The following B3GALNT2 variants were observed in gnomAD, a reference collection of about 807,000 sequenced individuals.
B3GALNT2 encodes the protein beta-1,3-N-acetylgalactosaminyltransferase 2.
A neutral mutation model predicts 61.1 loss-of-function variants in B3GALNT2; 53 were observed. The ratio of observed to expected loss-of-function variants is 0.87; its 90% CI spans 0.70 to 1.09. B3GALNT2 has a LOEUF of 1.09. B3GALNT2 is among the 50% of genes least tolerant of loss of function. The probability of loss-of-function intolerance (pLI) is 0.00; values close to 1 mark genes in which losing one functional copy is unlikely to be tolerated. For synonymous variants in B3GALNT2, 223 were observed against 237.4 expected, an observed-to-expected ratio of 0.94 and a Z score of 0.56; for missense variants, 544 against 623.0, an observed-to-expected ratio of 0.87 and a Z score of 1.35.
intron 8 of B3GALNT2, among the ~76,000 whole-genome samples, chr1:235,456,943 G>C (rs192872317): frequency 6.6e-6 from 1 of 151,890 alleles, no homozygotes; most frequent in East Asian, 1.9e-4. Context: ...CCTAGTATTC[G>C]ACACACCCAG....
Position 235,474,987 on chromosome 1 carries a change from A to ATT in B3GALNT2, c.652-4029_652-4028dup, listed in dbSNP as rs1160445883. ...TATATATATATATATATATATATAT[A>ATT]TTTTTTTTTTTTTTTTTTTTTTTGA... On this transcript the variant is annotated intron_variant, in intron 5 of 11. Transcript: ENST00000366600. Among the ~76,000 whole-genome samples the ATT allele has an allele frequency of 8.2e-3, 292 of 35,556 alleles. 26 individuals carry two copies. The highest frequency in any genetic ancestry group is 0.011 in the Non-Finnish European group (231 of 20,570). 23.3% of individuals were successfully genotyped at this position (35,556 alleles called of 152,430 possible).
At position 235,467,426 on chromosome 1, in the gene B3GALNT2, C is replaced by G. The variant is rs183127600; in HGVS notation, c.763-1712G>C. Among the ~76,000 whole-genome samples the G allele has an allele frequency of 1.9e-3, 282 of 151,480 alleles. 1 individual carries two copies. The highest frequency in any genetic ancestry group is 3.3e-3 in the Non-Finnish European group (225 of 67,894). Reference sequence around the variant, plus strand: ...TTACTAAAGGGGCAGGCTATAGATTCCAACGTTGTAGTTCCATAAAAGACT... The same window carrying G: ...TTACTAAAGGGGCAGGCTATAGATTGCAACGTTGTAGTTCCATAAAAGACT... On this transcript the variant is annotated intron_variant, in intron 6 of 11. Coordinates refer to ENST00000366600, the MANE Select transcript of B3GALNT2 (RefSeq NM_152490.5).
Position 235,448,781 on chromosome 1 carries a change from T to C in B3GALNT2, c.*1425A>G, listed in dbSNP as rs751491289. The C allele has an allele frequency of 7.2e-6, 11 of 1,529,160 alleles. No homozygotes were observed. The highest frequency in any genetic ancestry group is 1.0e-5 in the Non-Finnish European group (11 of 1,103,326). 94.7% of individuals were successfully genotyped at this position (1,529,160 alleles called of 1,614,324 possible). On this transcript the variant is annotated 3_prime_UTR_variant, in exon 12 of 12. Coordinates refer to ENST00000366600, the MANE Select transcript of B3GALNT2 (RefSeq NM_152490.5). ...ATGGTGACAACCAACTAATAAAATT[T>C]AAAGACCACACTGCTTATCGTGTCT...
chr1:235,456,612 T>C (rs1001571941), intron 8 of B3GALNT2, among the ~76,000 whole-genome samples: 10 of 152,230 alleles, frequency 6.6e-5, no homozygotes, highest in African/African-American at 1.2e-4. Context: ...AACTCATTTG[T>C]AGTGTGGAGA....
intron 1 of B3GALNT2, among the ~76,000 whole-genome samples, chr1:235,503,395 A>C (rs927087624): frequency 4.6e-5 from 7 of 152,256 alleles, no homozygotes; most frequent in African/African-American, 1.7e-4. Flanking sequence ...TAAGTAAAGC[A>C]TTCTATTAGG....
the B3GALNT2 span, chr1:235,441,899 C>G: frequency 6.2e-7 from 1 of 1,611,116 alleles, no homozygotes; most frequent in African/African-American, 1.3e-5. Context: ...ATCTCAGATT[C>G]AAATAGTTTA....
At chr1:235,490,091 TGA>T (rs1175386180) in intron 2 of B3GALNT2, among the ~76,000 whole-genome samples, 2 of 152,164 alleles carry the variant, frequency 1.3e-5, no homozygotes, top group Non-Finnish European at 2.9e-5. Flanking sequence ...GCTTGTCCAC[TGA>T]GAGTGGTATT....
At chr1:235,440,266 A>G in the B3GALNT2 span, among the ~76,000 whole-genome samples, 1,603 of 152,036 alleles carry the variant, frequency 0.011, 26 homozygotes, top group African/African-American at 0.037. Flanking sequence ...CACCGCGCCC[A>G]GCCAGGGAAA....
chr1:235,465,875 G>A (rs1411520339), intron 6 of B3GALNT2, 161 bp from the exon 7 acceptor site: 29 of 712,808 alleles, frequency 4.1e-5, no homozygotes, highest in African/African-American at 1.3e-4. Context: ...GATGACATAC[G>A]GTATTCTACT....
At chr1:235,441,532 T>C in the B3GALNT2 span, 2 of 461,532 alleles carry the variant, frequency 4.3e-6, no homozygotes, top group African/African-American at 2.0e-5. Context: ...CATGTAAACA[T>C]GTTGCTTTTC....
intron 1 of B3GALNT2, among the ~76,000 whole-genome samples, chr1:235,500,699 C>G (rs1685543228): frequency 6.6e-6 from 1 of 152,126 alleles, no homozygotes; most frequent in Non-Finnish European, 1.5e-5. Context: ...AGACACCTCC[C>G]AAAACACCAC....
At chr1:235,461,750 C>T (rs1354586166) in intron 7 of B3GALNT2, among the ~76,000 whole-genome samples, 5 of 152,144 alleles carry the variant, frequency 3.3e-5, no homozygotes, top group Admixed American at 6.5e-5. Context: ...CTCCTGACCT[C>T]GTGATCCACC....
In B3GALNT2 at chr1:235,473,955, G is replaced by C. The variant is rs150294381; in HGVS notation, c.652-2995C>G. Among the ~76,000 whole-genome samples, 926 of 152,246 alleles carry C rather than the reference G, an allele frequency of 6.1e-3. 5 individuals are homozygous for C. Among genetic ancestry groups the C allele is most frequent in the Middle Eastern group, 0.024 (7 of 294 alleles). On this transcript the variant is annotated intron_variant, in intron 5 of 11. Transcript: ENST00000366600. ...CCAACTCCATTTTGTCTGTGACTAG[G>C]CTATGATACAACAAACAAATTCAAT... is the stretch of plus-strand genomic sequence containing the variant.
Position 235,484,578 on chromosome 1 carries a change from A to G in B3GALNT2, c.362-63T>C, listed in dbSNP as rs144346184. On this transcript the variant is annotated intron_variant, in intron 3 of 11. Coordinates refer to ENST00000366600, the MANE Select transcript of B3GALNT2 (RefSeq NM_152490.5). Reference sequence around the variant, plus strand: ...GTAATCCTTTGTTTTACTAGTAAGAAGTAGTGAAGTGGGCTTAATGCCAAA... The same window carrying G: ...GTAATCCTTTGTTTTACTAGTAAGAGGTAGTGAAGTGGGCTTAATGCCAAA... The G allele has an allele frequency of 5.4e-6, 8 of 1,494,842 alleles. No homozygotes were observed. The African/African-American group carries it at 7.0e-5, about 13-fold the overall frequency. The allele number at this position is 1,494,842 out of a possible 1,614,324, so 92.6% of individuals were successfully genotyped here.
rs1003000685 is a variant in B3GALNT2, at chr1:235,449,681, A to G, written c.*525T>C. On this transcript the variant is annotated 3_prime_UTR_variant, in exon 12 of 12. Coordinates refer to ENST00000366600, the MANE Select transcript of B3GALNT2 (RefSeq NM_152490.5). ...ACTTCAGAGATCCACAAAATCTGAC[A>G]TTATTTCCAGAAACCCCAAACTTTG... The G allele has an allele frequency of 6.6e-6, 1 of 152,578 alleles. No homozygotes were observed. The highest frequency in any genetic ancestry group is 1.5e-5 in the Non-Finnish European group (1 of 68,316). The allele number at this position is 152,578 out of a possible 1,614,324, so 9.5% of individuals were successfully genotyped here.
At chr1:235,483,260 C>T (rs1020074514) in intron 4 of B3GALNT2, among the ~76,000 whole-genome samples, 1 of 152,154 alleles carries the variant, frequency 6.6e-6, no homozygotes, top group Non-Finnish European at 1.5e-5. Context: ...GTCTTGTGAT[C>T]TGCAGGACAA....
chr1:235,459,795 CT>C lies in B3GALNT2; in HGVS notation c.842-1010del, dbSNP rs560828844. Among the ~76,000 whole-genome samples, 7 of 151,738 alleles carry C rather than the reference CT, an allele frequency of 4.6e-5. No homozygotes were observed. In the South Asian group the frequency reaches 1.0e-3, roughly 23 times the overall value. ...GTTTCAACTGTACCTACAATGTTTT[CT>C]TTTTTTTCTTTTTTTGAGACAGAGT... On this transcript the variant is annotated intron_variant, in intron 7 of 11. Coordinates refer to ENST00000366600, the MANE Select transcript of B3GALNT2 (RefSeq NM_152490.5).
chr1:235,467,695 G>A (rs1683775866), intron 6 of B3GALNT2, among the ~76,000 whole-genome samples: 1 of 151,774 alleles, frequency 6.6e-6, no homozygotes, highest in African/African-American at 2.4e-5. Flanking sequence ...GGCCAGGCTG[G>A]TCTCGAACTC....
chr1:235,458,197 G>A (rs182287535), intron 8 of B3GALNT2, among the ~76,000 whole-genome samples: 1 of 152,162 alleles, frequency 6.6e-6, no homozygotes, highest in East Asian at 1.9e-4. Context: ...TAAGCCACCA[G>A]CCAATTTTTG....
Sources: allele counts gnomAD v4.1 joint callset (sites outside exome capture counted in the v4.1 genomes callset), GRCh38; gene constraint gnomAD v4.1.1; transcripts MANE v1.5; gene names NCBI Gene and HGNC (gene_info 2026-07-23, HGNC 2026-07-21).